The following ALDH1A2 variants were observed in gnomAD, a reference collection of about 807,000 sequenced individuals.
ALDH1A2 encodes retinal dehydrogenase 2.
Under a neutral mutation model 60.3 loss-of-function variants are expected in ALDH1A2, and 27 were observed. The ratio of observed to expected loss-of-function variants is 0.45; its 90% CI spans 0.33 to 0.62. The LOEUF (loss-of-function observed/expected upper bound fraction) is 0.62. Among genes scored for constraint, ALDH1A2 ranks in the 20% least tolerant of loss-of-function variants. The pLI is 0.02. For synonymous variants in ALDH1A2, 289 were observed against 232.4 expected, an observed-to-expected ratio of 1.24 and a Z score of -2.21; for missense variants, 581 against 643.8, an observed-to-expected ratio of 0.90 and a Z score of 1.06.
intron 9 of ALDH1A2, 66 bp downstream of exon 9, chr15:57,963,819 C>T (rs1305474057): frequency 2.6e-6 from 4 of 1,549,250 alleles, no homozygotes; most frequent in Non-Finnish European, 3.6e-6. Context: ...GGACCTACTA[C>T]AGTGTACACA....
At position 57,962,670 on chromosome 15, in the gene ALDH1A2, T is replaced by G. The variant is rs189383921; in HGVS notation, c.1087-494A>C. The stretch of plus-strand genomic sequence containing the variant: ...TTAGAGGAACTTTAGAGGAAAATAT[T>G]AACAGTAAAGAGTGAAGGATGAGCT... On this transcript the variant is annotated intron_variant, in intron 9 of 12. Coordinates refer to ENST00000249750, the MANE Select transcript of ALDH1A2 (RefSeq NM_003888.4). Among the ~76,000 whole-genome samples, 497 of 152,114 alleles carry G rather than the reference T, an allele frequency of 3.3e-3. 6 individuals are homozygous for G. The highest frequency in any genetic ancestry group is 2.7e-3 in the Non-Finnish European group (182 of 67,990).
intron 1 of ALDH1A2, among the ~76,000 whole-genome samples, chr15:58,063,163 CCCAATATCACACT>C (rs1179694853): frequency 1.3e-5 from 2 of 152,148 alleles, no homozygotes; most frequent in African/African-American, 4.8e-5. Flanking sequence ...CTATGTGGGT[CCCAATATCACACT>C]GAAAAATCAT....
At chr15:57,987,336 C>G (rs1457246449) in intron 7 of ALDH1A2, among the ~76,000 whole-genome samples, 1 of 151,842 alleles carries the variant, frequency 6.6e-6, no homozygotes, top group Non-Finnish European at 1.5e-5. Context: ...TTTTAACGAA[C>G]CAACAAAATA....
intron 1 of ALDH1A2, among the ~76,000 whole-genome samples, chr15:58,063,848 C>G (rs1277820316): frequency 2.0e-5 from 3 of 152,042 alleles, no homozygotes; most frequent in South Asian, 2.1e-4. Context: ...AAAAGTTCCC[C>G]GAGCTAAAAG....
intron 7 of ALDH1A2, among the ~76,000 whole-genome samples, chr15:57,974,432 C>T (rs1205061245): frequency 1.0e-5 from 1 of 96,720 alleles, no homozygotes; most frequent in African/African-American, 4.5e-5. Flanking sequence ...GACTCCATCT[C>T]AAAAAAAAAA....
chr15:57,992,797 T>TGACCCC lies in ALDH1A2; in HGVS notation c.700_705dup (p.Gly234_Val235dup). ...GGCCCATATCCTGGCAAAATATTGA[T>TGACCCC]GACCCCGGGAGGAAAGCCAGCCTAA... On this transcript the variant is annotated inframe_insertion, in exon 7 of 13. Coordinates refer to ENST00000249750, the MANE Select transcript of ALDH1A2 (RefSeq NM_003888.4). The TGACCCC allele has an allele frequency of 6.2e-7, 1 of 1,614,094 alleles. No homozygotes were observed. Among genetic ancestry groups the TGACCCC allele is most frequent in the Non-Finnish European group, 8.5e-7 (1 of 1,179,982 alleles).
chr15:58,009,919 A>G (rs1259397715), intron 4 of ALDH1A2, among the ~76,000 whole-genome samples: 2 of 152,096 alleles, frequency 1.3e-5, no homozygotes, highest in Non-Finnish European at 2.9e-5. Flanking sequence ...ACAGATAAAA[A>G]TCTCTTCACT....
At chr15:57,993,609 G>A in intron 5 of ALDH1A2, among the ~76,000 whole-genome samples, 1 of 152,158 alleles carries the variant, frequency 6.6e-6, no homozygotes, top group East Asian at 1.9e-4. Flanking sequence ...ATATACTGAT[G>A]AGTATGCAAA....
chr15:58,008,461 T>C (rs1179999836), intron 4 of ALDH1A2, among the ~76,000 whole-genome samples: 5 of 152,132 alleles, frequency 3.3e-5, no homozygotes, highest in African/African-American at 4.8e-5. Context: ...ACCACCTCTA[T>C]TGCCAGATCA....
intron 7 of ALDH1A2, among the ~76,000 whole-genome samples, chr15:57,990,902 A>G (rs1449191649): frequency 6.6e-6 from 1 of 150,618 alleles, no homozygotes; most frequent in Non-Finnish European, 1.5e-5. Flanking sequence ...AAATTACACA[A>G]TAGAAGCCTC....
In ALDH1A2 at chr15:57,995,063, A is replaced by C. The variant is rs1387855821; in HGVS notation, c.555+15T>G. 1 of 1,604,854 alleles carries C rather than the reference A, an allele frequency of 6.2e-7. No individual in the cohort carries two copies. Among genetic ancestry groups the C allele is most frequent in the Admixed American group, 1.7e-5 (1 of 59,956 alleles). On this transcript the variant is annotated intron_variant, in intron 5 of 12. Transcript: ENST00000249750. ...CAAATGAAAATAAATACGAGGTGCG[A>C]GGAAATACACTCACTGGGATGATCT...
intron 3 of ALDH1A2, among the ~76,000 whole-genome samples, chr15:58,013,090 AG>A (rs1895682394): frequency 1.3e-5 from 2 of 152,222 alleles, no homozygotes; most frequent in African/African-American, 2.4e-5. Context: ...TTTTAGTGAA[AG>A]GAAGTTGCTA....
At chr15:57,957,595 C>G (rs114434165) in intron 12 of ALDH1A2, among the ~76,000 whole-genome samples, 18 of 152,098 alleles carry the variant, frequency 1.2e-4, no homozygotes, top group Admixed American at 7.2e-4. Context: ...CTGATGCAGC[C>G]CAATCTCTCT....
At chr15:58,059,932 A>C (rs1300664538) in intron 1 of ALDH1A2, among the ~76,000 whole-genome samples, 1 of 152,080 alleles carries the variant, frequency 6.6e-6, no homozygotes, top group African/African-American at 2.4e-5. Context: ...TGATCATATA[A>C]TTTTTTTGAG....
At chr15:57,997,483 A>C (rs950030928) in intron 4 of ALDH1A2, among the ~76,000 whole-genome samples, 1 of 151,942 alleles carries the variant, frequency 6.6e-6, no homozygotes, top group African/African-American at 2.4e-5. Flanking sequence ...CTGAGGAAAA[A>C]AATTGGAAGA....
chr15:57,997,985 A>C (rs1348394931), intron 4 of ALDH1A2, among the ~76,000 whole-genome samples: 1 of 152,062 alleles, frequency 6.6e-6, no homozygotes, highest in Non-Finnish European at 1.5e-5. Context: ...ACTTTCAATA[A>C]AATTCAACAT....
intron 1 of ALDH1A2, among the ~76,000 whole-genome samples, chr15:58,029,461 C>A (rs1198496907): frequency 1.3e-5 from 2 of 151,680 alleles, no homozygotes; most frequent in Admixed American, 1.3e-4. Context: ...TAAACTCAAC[C>A]CCCTAACATC....
intron 1 of ALDH1A2, among the ~76,000 whole-genome samples, chr15:58,035,230 G>T (rs532369775): frequency 3.4e-4 from 51 of 151,714 alleles, no homozygotes; most frequent in Non-Finnish European, 3.3e-4. Flanking sequence ...TCAAATTTGT[G>T]GGCAAAGAGT....
chr15:57,980,795 T>G (rs1894473741), intron 7 of ALDH1A2: 1 of 152,842 alleles, frequency 6.5e-6, no homozygotes, highest in African/African-American at 2.4e-5. Flanking sequence ...GATGCTGGCC[T>G]CATAAAATGA....
Sources: gnomAD v4.1 joint callset for allele counts (sites outside exome capture counted in the v4.1 genomes callset) on GRCh38, gnomAD v4.1.1 for gene constraint, MANE v1.5 for transcripts, NCBI Gene and HGNC (gene_info 2026-07-23, HGNC 2026-07-21) for gene names.